SGIP1: variants seen among roughly 807,000 people sequenced by gnomAD.
The protein encoded by SGIP1 is SH3GL interacting endocytic adaptor 1.
SGIP1 carries 38 observed loss-of-function variants against 107.5 expected under a neutral mutation model. That is an observed-to-expected ratio of 0.35 (90% confidence interval 0.27 to 0.46). The LOEUF is 0.46. Ranked by LOEUF, SGIP1 falls within the 20% of genes least tolerant of loss-of-function variation. The pLI is 1.00. For missense variants in SGIP1, 929 were observed against 1,019.5 expected (o/e 0.91, Z 1.21); for synonymous variants, 365 against 366.1 (o/e 1.00, Z 0.03).
intron 2 of SGIP1, among the ~76,000 whole-genome samples, chr1:66,629,179 A>G (rs1489025496): frequency 6.6e-6 from 1 of 152,170 alleles, no homozygotes; most frequent in Non-Finnish European, 1.5e-5. Context: ...TGGGTTGCTC[A>G]GCAACCTGCT....
At position 66,744,991 on chromosome 1, in the gene SGIP1, T is replaced by C. The variant is rs1487940299; in HGVS notation, c.*1896T>C. 1 of 152,484 alleles carries C rather than the reference T, an allele frequency of 6.6e-6. No homozygotes were observed. Among genetic ancestry groups the C allele is most frequent in the Non-Finnish European group, 1.5e-5 (1 of 67,914 alleles). The allele number at this position is 152,484 out of a possible 1,614,324, so 9.4% of individuals were successfully genotyped here. ...GTAAGCAGCAGCAAACTGAGAATTA[T>C]CCAGCATATGAATATAACAATGTGT... is the stretch of plus-strand genomic sequence containing the variant. On this transcript the variant is annotated 3_prime_UTR_variant, in exon 25 of 25. Transcript: ENST00000371037.
chr1:66,600,330 A>G (rs1156508234), intron 1 of SGIP1, among the ~76,000 whole-genome samples: 2 of 149,350 alleles, frequency 1.3e-5, no homozygotes, highest in Non-Finnish European at 3.0e-5. Context: ...TTCTGCTAGA[A>G]ACTAGGGATT....
chr1:66,723,442 C>CT (rs2093629397), intron 19 of SGIP1, among the ~76,000 whole-genome samples: 1 of 152,162 alleles, frequency 6.6e-6, no homozygotes, highest in African/African-American at 2.4e-5. Flanking sequence ...AATTCCTTAC[C>CT]TTTGCTACTG....
rs900978698 is a variant in SGIP1, at chr1:66,743,999, G to A, written c.*904G>A. On this transcript the variant is annotated 3_prime_UTR_variant, in exon 25 of 25. Coordinates refer to ENST00000371037, the MANE Select transcript of SGIP1 (RefSeq NM_032291.4). Reference sequence around the variant, plus strand: ...TTTCAAGACTTTCCGTAGTTGAACTGGTTAAGAATTTTTGCTTAGTTACTC... The same window carrying A: ...TTTCAAGACTTTCCGTAGTTGAACTAGTTAAGAATTTTTGCTTAGTTACTC... 3 of 152,096 alleles carry A rather than the reference G, an allele frequency of 2.0e-5. No homozygotes were observed. The highest frequency in any genetic ancestry group is 7.2e-5 in the African/African-American group (3 of 41,424). The allele number at this position is 152,096 out of a possible 1,614,324, so 9.4% of individuals were successfully genotyped here. A position where few individuals can be genotyped will look rare whatever the true frequency, so the allele number is the denominator to read the frequency against.
At chr1:66,722,312 C>T (rs1022530518) in intron 19 of SGIP1, among the ~76,000 whole-genome samples, 7 of 152,202 alleles carry the variant, frequency 4.6e-5, no homozygotes, top group East Asian at 1.9e-4. Flanking sequence ...ATAACAACAC[C>T]GCTCCCCACC....
intron 8 of SGIP1, chr1:66,666,162 A>G (rs2082492004): frequency 6.6e-6 from 1 of 152,224 alleles, no homozygotes; most frequent in African/African-American, 2.4e-5. Flanking sequence ...GGTGTAAGGA[A>G]GGGATCCAGT....
chr1:66,665,782 T>C (rs1341205513), intron 8 of SGIP1: 1 of 152,240 alleles, frequency 6.6e-6, no homozygotes, highest in African/African-American at 2.4e-5. Flanking sequence ...TTGAGAAGTG[T>C]CTGTTCATAT....
rs1276908626 is a variant in SGIP1 at position 66,749,202 on chromosome 1, C to T, written c.*6107C>T. Among the ~76,000 whole-genome samples the T allele has an allele frequency of 3.9e-5, 6 of 151,976 alleles. No individual in the cohort carries two copies. Among genetic ancestry groups the T allele is most frequent in the Non-Finnish European group, 7.4e-5 (5 of 67,900 alleles). On this transcript the variant is annotated 3_prime_UTR_variant, in exon 25 of 25. Coordinates refer to ENST00000371037, the MANE Select transcript of SGIP1 (RefSeq NM_032291.4). ...CACCTATGACCAGCATATCAGACCC[C>T]TATCTGTTGAAGATGTTTCCAATTC... is the stretch of plus-strand genomic sequence containing the variant.
chr1:66,593,329 C>T (rs1359411934), intron 1 of SGIP1, among the ~76,000 whole-genome samples: 1 of 152,134 alleles, frequency 6.6e-6, no homozygotes, highest in Non-Finnish European at 1.5e-5. Flanking sequence ...ATTGCTGGAT[C>T]ATTCAGTAAG....
intron 1 of SGIP1, among the ~76,000 whole-genome samples, chr1:66,597,636 T>C (rs908600188): frequency 1.3e-5 from 2 of 152,148 alleles, no homozygotes; most frequent in African/African-American, 4.8e-5. Flanking sequence ...TTCCTCAGAA[T>C]CCTTCTCAAC....
chr1:66,729,547 G>T, intron 20 of SGIP1, 128 bp downstream of exon 20: 1 of 1,250,372 alleles, frequency 8.0e-7, no homozygotes. Flanking sequence ...TATATTTGTA[G>T]ATTCAAGCAC....
intron 1 of SGIP1, among the ~76,000 whole-genome samples, chr1:66,598,633 G>C (rs1237859642): frequency 1.3e-5 from 2 of 152,168 alleles, no homozygotes; most frequent in Non-Finnish European, 2.9e-5. Context: ...ATGTGAAAGG[G>C]GAGCCAGCAC....
intron 10 of SGIP1, 82 bp downstream of exon 10, chr1:66,671,101 T>C: frequency 1.6e-6 from 1 of 630,386 alleles, no homozygotes; most frequent in African/African-American, 1.9e-5. Context: ...TATGTACATA[T>C]GAATTATACA....
At position 66,682,334 on chromosome 1, in the gene SGIP1, G is replaced by T; in HGVS notation, c.1280G>T (p.Gly427Val). Reference protein sequence around the residue: ...PTYRTVVSSPGPGSGPGPGTT... With the variant: ...PTYRTVVSSPVPGSGPGPGTT... The stretch of plus-strand genomic sequence containing the variant: ...TACAGGACTGTGGTTTCGTCCCCCG[G>T]ACCTGGCTCGGGCCCTGGTCCGGGG... Residue 427 changes from glycine (G) to valine (V), a missense_variant, in exon 15 of 25, where the codon GGA becomes GTA. Transcript: ENST00000371037. 6.2e-7 allele frequency: 1 copy of T among 1,613,956 alleles called. No homozygotes were observed. Among genetic ancestry groups the T allele is most frequent in the Non-Finnish European group, 8.5e-7 (1 of 1,179,970 alleles).
At chr1:66,584,184 A>G (rs1043878337) in intron 1 of SGIP1, among the ~76,000 whole-genome samples, 3 of 152,170 alleles carry the variant, frequency 2.0e-5, no homozygotes, top group East Asian at 3.9e-4. Context: ...TATCTCAATA[A>G]TCTCCATATT....
chr1:66,730,100 C>A (rs1253421670), intron 20 of SGIP1, among the ~76,000 whole-genome samples: 1 of 152,070 alleles, frequency 6.6e-6, no homozygotes, highest in Non-Finnish European at 1.5e-5. Context: ...CCACGCCTGG[C>A]CTTCTTTTTA....
chr1:66,583,759 T>A (rs1570012132), intron 1 of SGIP1, among the ~76,000 whole-genome samples: 1 of 152,142 alleles, frequency 6.6e-6, no homozygotes, highest in Non-Finnish European at 1.5e-5. Context: ...CATAGCTTGC[T>A]CCTGTCTGCA....
intron 14 of SGIP1, among the ~76,000 whole-genome samples, chr1:66,680,289 G>T (rs1362335639): frequency 6.6e-6 from 1 of 152,178 alleles, no homozygotes; most frequent in African/African-American, 2.4e-5. Context: ...GCAAGGAATT[G>T]CTACACACCT....
Position 66,617,273 on chromosome 1 carries a change from T to C in SGIP1, c.11-8574T>C, listed in dbSNP as rs143210145. Among the ~76,000 whole-genome samples the C allele has an allele frequency of 3.0e-3, 454 of 152,278 alleles. 2 individuals carry two copies. Among genetic ancestry groups the C allele is most frequent in the African/African-American group, 0.011 (441 of 41,560 alleles). On this transcript the variant is annotated intron_variant, in intron 1 of 24. Transcript: ENST00000371037. ...GCACTTGCCTTTATGAAGCATCTCT[T>C]ATACCCTAGGCAGTAGTCTATCCAC...
Sources: gnomAD v4.1 joint callset for allele counts (sites outside exome capture counted in the v4.1 genomes callset) on GRCh38, gnomAD v4.1.1 for gene constraint, MANE v1.5 for transcripts, NCBI Gene and HGNC (gene_info 2026-07-23, HGNC 2026-07-21) for gene names.